The following STAB2 variants were observed in gnomAD, a reference collection of about 807,000 sequenced individuals.
STAB2 encodes the protein stabilin-2.
Under a neutral mutation model 338.1 loss-of-function variants are expected in STAB2, and 288 were observed. That is an observed-to-expected ratio of 0.85 (90% CI 0.77 to 0.94). The LOEUF is 0.94. STAB2 is among the 40% of genes least tolerant of loss of function. The pLI, the probability that STAB2 is intolerant of heterozygous loss-of-function variation, is 0.00. For synonymous variants in STAB2, 1,202 were observed against 1,193.3 expected (o/e 1.01, Z -0.15); for missense variants, 3,141 against 3,210.1 (o/e 0.98, Z 0.52).
At chr12:103,629,656 G>A (rs899127239) in intron 5 of STAB2, among the ~76,000 whole-genome samples, 5 of 152,202 alleles carry the variant, frequency 3.3e-5, no homozygotes, top group African/African-American at 7.2e-5. Context: ...AGGTGTGAAC[G>A]TGCAAGATGC....
chr12:103,601,547 G>A lies in STAB2; in HGVS notation c.331+7037G>A, dbSNP rs1190407942. Among the ~76,000 whole-genome samples, 3 of 152,182 alleles carry A rather than the reference G, an allele frequency of 2.0e-5. 1 individual carries two copies. Among genetic ancestry groups the A allele is most frequent in the Non-Finnish European group, 4.4e-5 (3 of 68,026 alleles). ...GCGGAAGTTGCAGTGACCCAAGATCGCGTCAATGCACTCCAGCCTGAGTGA... is the reference window on the plus strand; with the variant it reads ...GCGGAAGTTGCAGTGACCCAAGATCACGTCAATGCACTCCAGCCTGAGTGA... On this transcript the variant is annotated intron_variant, in intron 3 of 68. Transcript: ENST00000388887.
Position 103,711,517 on chromosome 12 carries a change from G to A in STAB2, c.4334+1G>A, listed in dbSNP as rs1395271372. 1 of 1,614,128 alleles carries A rather than the reference G, an allele frequency of 6.2e-7. No individual in the cohort carries two copies. On this transcript the variant is annotated splice_donor_variant, in intron 40 of 68. Coordinates refer to ENST00000388887, the MANE Select transcript of STAB2 (RefSeq NM_017564.10). LOFTEE classifies it high-confidence loss of function. ...ATGGGACATGCCATACCAGCGCCAA[G>A]TAGGTAGCCCTGGGCCACCTCTGGG...
Position 103,742,574 on chromosome 12 carries a change from C to G in STAB2, c.6031+20C>G. On this transcript the variant is annotated intron_variant, in intron 56 of 68. Transcript: ENST00000388887. Reference sequence around the variant, plus strand: ...GTCTGCGTATGTGGCGCCGCTTCTCCGTGCTAGAGCTTGTTTTTTGACTGT... The same window carrying G: ...GTCTGCGTATGTGGCGCCGCTTCTCGGTGCTAGAGCTTGTTTTTTGACTGT... The G allele has an allele frequency of 1.2e-6, 2 of 1,613,778 alleles. No individual in the cohort carries two copies. The highest frequency in any genetic ancestry group is 1.7e-6 in the Non-Finnish European group (2 of 1,179,814).
At chr12:103,671,459 G>C (rs1434942954) in intron 22 of STAB2, among the ~76,000 whole-genome samples, 3 of 151,736 alleles carry the variant, frequency 2.0e-5, no homozygotes, top group Non-Finnish European at 4.4e-5. Context: ...AAAAAAAAAA[G>C]AATCAGATTC....
intron 12 of STAB2, among the ~76,000 whole-genome samples, chr12:103,653,545 T>C (rs905933232): frequency 6.6e-6 from 1 of 151,536 alleles, no homozygotes; most frequent in Admixed American, 6.6e-5. Flanking sequence ...GATGGATGGA[T>C]GGATGGATGG....
chr12:103,618,889 G>A (rs3851629), intron 3 of STAB2, among the ~76,000 whole-genome samples: 17,772 of 152,096 alleles, frequency 0.12, 1,451 homozygotes, highest in East Asian at 0.3. Context: ...CCAGGGGGAG[G>A]TAATTGAATC....
intron 9 of STAB2, among the ~76,000 whole-genome samples, chr12:103,640,778 G>A (rs1316055253): frequency 3.9e-5 from 6 of 152,196 alleles, no homozygotes; most frequent in Non-Finnish European, 5.9e-5. Context: ...AAAGAAGATG[G>A]TATTTGGACT....
intron 44 of STAB2, among the ~76,000 whole-genome samples, chr12:103,723,096 C>T (rs960806332): frequency 2.0e-5 from 3 of 152,154 alleles, no homozygotes; most frequent in Non-Finnish European, 2.9e-5. Context: ...ACCTGTGTCT[C>T]TTTTCTCCAT....
chr12:103,740,715 T>A lies in STAB2; in HGVS notation c.5840T>A (p.Ile1947Asn). ...GAGCGGTGCAGCCTGGTGATACAGA[T>A]CCCCAGGTGCTGCAAGGGCTACTTC... The part of the protein sequence containing the change: ...CRERCSLVIQ[I>N]PRCCKGYFGR... Residue 1947 changes from isoleucine to asparagine, a missense_variant, in exon 55 of 69, where the codon ATC becomes AAC. Ile to Asn is a moderately radical substitution (Grantham distance 149). Coordinates refer to ENST00000388887, the MANE Select transcript of STAB2 (RefSeq NM_017564.10). 6.2e-7 allele frequency: 1 copy of A among 1,603,448 alleles called. No individual in the cohort carries two copies. The highest frequency in any genetic ancestry group is 8.5e-7 in the Non-Finnish European group (1 of 1,176,478).
At chr12:103,629,843 A>C (rs950419288) in intron 5 of STAB2, among the ~76,000 whole-genome samples, 2 of 152,134 alleles carry the variant, frequency 1.3e-5, no homozygotes, top group Non-Finnish European at 1.5e-5. Context: ...TGTCCTGTTT[A>C]TTTTTGGGCA....
At chr12:103,711,387 T>C (rs1273278303) in intron 39 of STAB2, 84 bp from the exon 40 acceptor site, 2 of 1,570,146 alleles carry the variant, frequency 1.3e-6, no homozygotes, top group South Asian at 1.1e-5. Context: ...TCCAAAGAAG[T>C]AGCTTTTCTG....
intron 46 of STAB2, 141 bp from the exon 47 acceptor site, chr12:103,727,126 A>G: frequency 1.3e-6 from 1 of 790,406 alleles, no homozygotes. Flanking sequence ...TCTGGGTTTC[A>G]TTTGAATCCA....
At chr12:103,675,763 T>C (rs752408586) in intron 23 of STAB2, among the ~76,000 whole-genome samples, 165 bp from the exon 24 acceptor site, 1 of 152,224 alleles carries the variant, frequency 6.6e-6, no homozygotes, top group Non-Finnish European at 1.5e-5. Flanking sequence ...GTGTATCTGA[T>C]TACAGATCCC....
chr12:103,696,097 G>T (rs375652749), intron 33 of STAB2, among the ~76,000 whole-genome samples: 2 of 152,160 alleles, frequency 1.3e-5, no homozygotes, highest in Non-Finnish European at 2.9e-5. Flanking sequence ...TGCATTAAGG[G>T]TGTGGTGTTG....
rs768343789 is a variant in STAB2 at position 103,717,744 on chromosome 12, C to G, written c.4612-26C>G. 5 of 1,613,046 alleles carry G rather than the reference C, an allele frequency of 3.1e-6. No individual in the cohort carries two copies. The Admixed American group carries it at 8.3e-5, about 27-fold the overall frequency. On this transcript the variant is annotated intron_variant, in intron 43 of 68. Coordinates refer to ENST00000388887, the MANE Select transcript of STAB2 (RefSeq NM_017564.10). ...AGTACAGAACCCACCTGCAAAATGA[C>G]CCCATGTGCTTCTACTCCTGGACAG...
In STAB2 at chr12:103,640,211, G is replaced by A; in HGVS notation, c.995G>A (p.Cys332Tyr). ...MTDICKSDNP[C>Y]HRNANCTTVA... ...GATATATGTAAATCAGATAACCCGT[G>A]TCATAGGAATGCAAATTGCACCACC... The change falls in exon 9 of 69, where the codon TGT becomes TAT. Residue 332 changes from cysteine (C) to tyrosine (Y), a missense_variant. Physicochemically the swap from Cys to Tyr is radical, Grantham distance 194. Transcript: ENST00000388887. 2 of 1,613,806 alleles carry A rather than the reference G, an allele frequency of 1.2e-6. No homozygotes were observed. The highest frequency in any genetic ancestry group is 1.7e-6 in the Non-Finnish European group (2 of 1,179,800).
At chr12:103,610,677 C>G (rs1269836602) in intron 3 of STAB2, among the ~76,000 whole-genome samples, 4 of 152,128 alleles carry the variant, frequency 2.6e-5, no homozygotes, top group African/African-American at 9.7e-5. Flanking sequence ...TTTTTTATGT[C>G]TCTATCTCCC....
chr12:103,753,408 C>T, intron 61 of STAB2, 55 bp downstream of exon 61: 1 of 1,610,982 alleles, frequency 6.2e-7, no homozygotes, highest in Non-Finnish European at 8.5e-7. Context: ...GGCGGAAGTG[C>T]AGCCCTTTCT....
intron 3 of STAB2, among the ~76,000 whole-genome samples, chr12:103,602,431 A>T (rs2086246): frequency 0.32 from 48,962 of 152,146 alleles, 10,051 homozygotes; most frequent in African/African-American, 0.58. Flanking sequence ...ACCACGGACA[A>T]TCACACACAG....
Sources: gnomAD v4.1 joint callset for allele counts (sites outside exome capture counted in the v4.1 genomes callset) on GRCh38, gnomAD v4.1.1 for gene constraint, MANE v1.5 for transcripts, NCBI Gene and HGNC (gene_info 2026-07-23, HGNC 2026-07-21) for gene names.